The following PTPRK variants were observed in gnomAD, a reference collection of about 807,000 sequenced individuals.
The protein encoded by PTPRK is receptor-type tyrosine-protein phosphatase kappa.
In PTPRK, 75 loss-of-function variants were observed where a neutral mutation model predicts 178.0. The observed-to-expected ratio is 0.42, with a 90% confidence interval of 0.35 to 0.51. The LOEUF is 0.51. Among genes scored for constraint, PTPRK ranks in the 20% least tolerant of loss-of-function variants. The probability of loss-of-function intolerance (pLI) is 0.02; values close to 1 mark genes in which losing one functional copy is unlikely to be tolerated. For synonymous variants in PTPRK, 637 were observed against 620.6 expected (o/e 1.03, Z -0.39); for missense variants, 1,441 against 1,797.8 (o/e 0.80, Z 3.59).
intron 5 of PTPRK, chr6:128,237,943 C>A: frequency 2.5e-6 from 1 of 395,972 alleles, no homozygotes; most frequent in Non-Finnish European, 4.9e-6. Flanking sequence ...TAAATAATTT[C>A]ATAATAAAAG....
intron 7 of PTPRK, among the ~76,000 whole-genome samples, chr6:128,099,362 C>T (rs1157723247): frequency 6.6e-6 from 1 of 151,704 alleles, no homozygotes. Flanking sequence ...TAATAAAATG[C>T]TAAGAGGGCC....
chr6:128,389,413 G>GT (rs11443907), intron 2 of PTPRK, among the ~76,000 whole-genome samples: 118,584 of 144,420 alleles, frequency 0.82, 50,492 homozygotes, highest in East Asian at 0.99. Flanking sequence ...GTTTTTTTTT[G>GT]TTTTTTTTGT....
At chr6:128,040,683 G>C (rs1777020645) in intron 13 of PTPRK, among the ~76,000 whole-genome samples, 1 of 151,996 alleles carries the variant, frequency 6.6e-6, no homozygotes, top group Non-Finnish European at 1.5e-5. Context: ...ATACTGTAAG[G>C]CTCTTCCTGC....
intron 2 of PTPRK, among the ~76,000 whole-genome samples, chr6:128,342,857 T>C (rs1168299380): frequency 1.3e-5 from 2 of 151,998 alleles, no homozygotes; most frequent in Non-Finnish European, 2.9e-5. Flanking sequence ...GAGCCTGAGG[T>C]AGGAGGATCA....
intron 10 of PTPRK, among the ~76,000 whole-genome samples, chr6:128,080,568 A>G (rs899319897): frequency 6.6e-6 from 1 of 152,046 alleles, no homozygotes; most frequent in African/African-American, 2.4e-5. Context: ...GAAACAACAA[A>G]TATTAATTTA....
intron 2 of PTPRK, among the ~76,000 whole-genome samples, chr6:128,395,761 CA>C (rs1840221593): frequency 6.6e-6 from 1 of 152,028 alleles, no homozygotes; most frequent in Admixed American, 6.5e-5. Context: ...ATATAAGAAA[CA>C]AAGAGTGTCA....
At chr6:128,502,241 G>C (rs563775756) in intron 1 of PTPRK, among the ~76,000 whole-genome samples, 1 of 152,326 alleles carries the variant, frequency 6.6e-6, no homozygotes, top group South Asian at 2.1e-4. Flanking sequence ...AAGAGAGCTT[G>C]AATAGTCATA....
intron 6 of PTPRK, among the ~76,000 whole-genome samples, chr6:128,187,055 G>A (rs1802889414): frequency 6.6e-6 from 1 of 152,028 alleles, no homozygotes; most frequent in South Asian, 2.1e-4. Flanking sequence ...GTCACAATAT[G>A]CCAAGTGAAT....
chr6:128,458,588 C>T (rs77652796), intron 1 of PTPRK, among the ~76,000 whole-genome samples: 52 of 152,332 alleles, frequency 3.4e-4, no homozygotes, highest in Admixed American at 1.2e-3. Context: ...CGCATGTGCA[C>T]ACGCACACAC....
chr6:128,476,671 C>T (rs945948025), intron 1 of PTPRK, among the ~76,000 whole-genome samples: 2 of 151,878 alleles, frequency 1.3e-5, no homozygotes, highest in African/African-American at 4.8e-5. Flanking sequence ...TTTACTGTGG[C>T]TGAGTAGTGT....
At chr6:128,469,260 T>A (rs1218347848) in intron 1 of PTPRK, among the ~76,000 whole-genome samples, 1 of 152,192 alleles carries the variant, frequency 6.6e-6, no homozygotes, top group Non-Finnish European at 1.5e-5. Flanking sequence ...GCTGTAGATG[T>A]ATGCCAAGGG....
At chr6:128,485,727 C>T (rs540136765) in intron 1 of PTPRK, among the ~76,000 whole-genome samples, 4 of 152,110 alleles carry the variant, frequency 2.6e-5, no homozygotes, top group South Asian at 4.1e-4. Context: ...GAAAGGATTT[C>T]GAAGGAGAAG....
chr6:127,974,269 T>G (rs1774260910), intron 27 of PTPRK, among the ~76,000 whole-genome samples: 1 of 152,238 alleles, frequency 6.6e-6, no homozygotes, highest in Admixed American at 6.5e-5. Flanking sequence ...CCTGCTTTAA[T>G]GATTTTCAAA....
intron 2 of PTPRK, among the ~76,000 whole-genome samples, chr6:128,396,449 C>T (rs1432528798): frequency 3.3e-5 from 5 of 150,986 alleles, no homozygotes; most frequent in African/African-American, 1.2e-4. Flanking sequence ...TTTTTAAATT[C>T]CTGTTTACAT....
At chr6:128,062,217 T>C (rs1250683318) in intron 13 of PTPRK, 1 of 164,308 alleles carries the variant, frequency 6.1e-6, no homozygotes, top group Non-Finnish European at 1.5e-5. Context: ...TCTTTTCTTT[T>C]TTTTTTCCTT....
In PTPRK at chr6:128,349,638, C is replaced by CA. The variant is rs965430169; in HGVS notation, c.224-27329dup. Reference sequence around the variant, plus strand: ...AAGACAGAAACATATTCACACCGTTCAAAAAAAAAAGAATAAAAAAATCAT... The same window carrying CA: ...AAGACAGAAACATATTCACACCGTTCAAAAAAAAAAAGAATAAAAAAATCAT... On this transcript the variant is annotated intron_variant, in intron 2 of 29. Transcript: ENST00000368226. Among the ~76,000 whole-genome samples, 57 of 138,792 alleles carry CA rather than the reference C, an allele frequency of 4.1e-4. 1 individual carries two copies. Among genetic ancestry groups the CA allele is most frequent in the African/African-American group, 9.3e-4 (35 of 37,800 alleles). The allele number at this position is 138,792 out of a possible 152,430, so 91.1% of individuals were successfully genotyped here.
chr6:128,403,893 G>T (rs960643294), intron 1 of PTPRK, among the ~76,000 whole-genome samples: 3 of 152,050 alleles, frequency 2.0e-5, no homozygotes, highest in African/African-American at 7.2e-5. Flanking sequence ...CAGTTTTGTG[G>T]GCCATGCCAT....
At chr6:128,491,495 G>A (rs541787594) in intron 1 of PTPRK, among the ~76,000 whole-genome samples, 69 of 152,334 alleles carry the variant, frequency 4.5e-4, no homozygotes, top group African/African-American at 1.3e-3. Context: ...ATGTTTATGA[G>A]GAAGCAGACA....
rs1383976165 is a variant in PTPRK, at chr6:128,017,800, G to GTATATATA, written c.2195-8533_2195-8532insTATATATA. 2.7e-4 allele frequency among the ~76,000 whole-genome samples: 8 copies of GTATATATA among 30,056 alleles called. 1 individual carries two copies. The Admixed American group carries it at 3.3e-3, about 12-fold the overall frequency. The allele number at this position is 30,056 out of a possible 152,430, so 19.7% of individuals were successfully genotyped here. ...TATACATATATAAATAAATATATAT[G>GTATATATA]TGTATATATATATATATATATATAT... On this transcript the variant is annotated intron_variant, in intron 13 of 29. Coordinates refer to ENST00000368226, the MANE Select transcript of PTPRK (RefSeq NM_002844.4).
Sources: allele counts gnomAD v4.1 joint callset (sites outside exome capture counted in the v4.1 genomes callset), GRCh38; gene constraint gnomAD v4.1.1; transcripts MANE v1.5; gene names NCBI Gene and HGNC (gene_info 2026-07-23, HGNC 2026-07-21).